Variants in AXDND1 observed in about 807,000 individuals in gnomAD.
AXDND1 encodes the protein axonemal dynein light chain domain containing 1, also known as axonemal dynein light chain domain-containing protein 1.
A neutral mutation model predicts 137.5 loss-of-function variants in AXDND1; 110 were observed. The ratio of observed to expected loss-of-function variants is 0.80; its 90% CI spans 0.69 to 0.94. The LOEUF is 0.94. Among genes scored for constraint, AXDND1 ranks in the 40% least tolerant of loss-of-function variants. The pLI, the probability that AXDND1 is intolerant of heterozygous loss-of-function variation, is 0.00. For synonymous variants in AXDND1, 414 were observed against 399.7 expected (o/e 1.04, Z -0.43); for missense variants, 1,191 against 1,169.8 (o/e 1.02, Z -0.26).
chr1:179,449,699 A>G (rs1660260685), intron 16 of AXDND1: 1 of 151,866 alleles, frequency 6.6e-6, no homozygotes, highest in African/African-American at 2.4e-5. Flanking sequence ...ACAATGTTTT[A>G]TAGTTTTCTG....
chr1:179,489,199 C>T (rs12119573), intron 18 of AXDND1, among the ~76,000 whole-genome samples: 80,295 of 147,440 alleles, frequency 0.54, 22,649 homozygotes, highest in East Asian at 0.76. Flanking sequence ...TATATTTTAG[C>T]ACAAAAATTA....
intron 25 of AXDND1, chr1:179,551,326 C>T (rs779652218): frequency 6.2e-7 from 1 of 1,614,172 alleles, no homozygotes; most frequent in South Asian, 1.1e-5. Context: ...TGGAAGGCTT[C>T]TCTGTGGACA....
At chr1:179,542,877 CA>C (rs1298476427) in intron 25 of AXDND1, among the ~76,000 whole-genome samples, 1 of 152,292 alleles carries the variant, frequency 6.6e-6, no homozygotes, top group Non-Finnish European at 1.5e-5. Context: ...AAATCATTGC[CA>C]GGGGGCTCTG....
At chr1:179,380,108 G>A (rs993490398) in intron 6 of AXDND1, among the ~76,000 whole-genome samples, 1 of 151,910 alleles carries the variant, frequency 6.6e-6, no homozygotes, top group Non-Finnish European at 1.5e-5. Flanking sequence ...AAATAGCCGG[G>A]CGTGGTGGTG....
At chr1:179,435,911 A>G (rs1202294195) in intron 15 of AXDND1, among the ~76,000 whole-genome samples, 1 of 152,220 alleles carries the variant, frequency 6.6e-6, no homozygotes, top group Non-Finnish European at 1.5e-5. Context: ...AGCCTACAGA[A>G]TGGGAGAAAA....
At chr1:179,401,737 A>G (rs912866266) in intron 11 of AXDND1, among the ~76,000 whole-genome samples, 36 of 152,160 alleles carry the variant, frequency 2.4e-4, no homozygotes, top group African/African-American at 7.5e-4. Context: ...TTGTTTTATA[A>G]GGGGAAACCC....
chr1:179,546,105 A>G (rs1456967914), intron 25 of AXDND1: 1 of 152,170 alleles, frequency 6.6e-6, no homozygotes, highest in East Asian at 1.9e-4. Context: ...CCAAAGTCTC[A>G]AAGTCCCAAG....
intron 12 of AXDND1, among the ~76,000 whole-genome samples, chr1:179,418,833 G>A (rs552216299): frequency 1.1e-4 from 17 of 151,564 alleles, no homozygotes; most frequent in South Asian, 2.1e-4. Flanking sequence ...GGCGGCTGCC[G>A]GGCGGAGGGA....
chr1:179,366,393 T>A lies in AXDND1; in HGVS notation c.-106-11T>A. The A allele has an allele frequency of 3.1e-6, 2 of 654,220 alleles. No individual in the cohort carries two copies. The highest frequency in any genetic ancestry group is 5.3e-6 in the Non-Finnish European group (2 of 379,782). 40.5% of individuals were successfully genotyped at this position (654,220 alleles called of 1,614,324 possible). A position where few individuals can be genotyped will look rare whatever the true frequency, so the allele number is the denominator to read the frequency against. On this transcript the variant is annotated splice_polypyrimidine_tract_variant and intron_variant, in intron 1 of 25. Transcript: ENST00000367618. ...TTTTTTTTTTTTAAATCTTTTTTCCTCTGCCTGCAGGACTATGTGGCAGCC... is the reference window on the plus strand; with the variant it reads ...TTTTTTTTTTTTAAATCTTTTTTCCACTGCCTGCAGGACTATGTGGCAGCC...
At chr1:179,547,093 C>T (rs1214550960) in intron 25 of AXDND1, among the ~76,000 whole-genome samples, 1 of 152,200 alleles carries the variant, frequency 6.6e-6, no homozygotes, top group Non-Finnish European at 1.5e-5. Context: ...AGATCACTGT[C>T]TGGGTATTCC....
chr1:179,479,547 G>T (rs937608339), intron 17 of AXDND1, among the ~76,000 whole-genome samples: 4 of 151,712 alleles, frequency 2.6e-5, no homozygotes, highest in Admixed American at 6.6e-5. Context: ...GGAGGCTGAG[G>T]TGGGCGGATC....
intron 25 of AXDND1, among the ~76,000 whole-genome samples, chr1:179,547,725 G>C (rs1342464514): frequency 6.6e-6 from 1 of 152,110 alleles, no homozygotes. Flanking sequence ...AAACACTTTT[G>C]AAAGTCTGAA....
At chr1:179,446,983 T>C (rs1041921801) in intron 16 of AXDND1, among the ~76,000 whole-genome samples, 8 of 152,220 alleles carry the variant, frequency 5.3e-5, no homozygotes, top group African/African-American at 1.7e-4. Context: ...GTTACATTCA[T>C]AGAATGTGTA....
At chr1:179,548,679 TACTC>T (rs1672868574) in intron 25 of AXDND1, 1 of 152,214 alleles carries the variant, frequency 6.6e-6, no homozygotes, top group African/African-American at 2.4e-5. Context: ...GATGCATACT[TACTC>T]AGAGCCATCC....
At chr1:179,369,862 A>G (rs1571505677) in intron 3 of AXDND1, 113 bp from the exon 4 acceptor site, 2 of 648,442 alleles carry the variant, frequency 3.1e-6, no homozygotes, top group East Asian at 2.8e-5. Context: ...TTTTTTCCTT[A>G]GAGTACCCAA....
In AXDND1 at chr1:179,369,047, T is replaced by G. The variant is rs1057100406; in HGVS notation, c.270+75T>G. Reference sequence around the variant, plus strand: ...CTGATTATTCTTTAAGTATTTATTATGCACATATTATATATTCCAGATAGC... The same window carrying G: ...CTGATTATTCTTTAAGTATTTATTAGGCACATATTATATATTCCAGATAGC... On this transcript the variant is annotated intron_variant, in intron 3 of 25. Transcript: ENST00000367618. 1.0e-4 allele frequency: 142 copies of G among 1,370,650 alleles called. 3 individuals are homozygous for G. The highest frequency in any genetic ancestry group is 7.9e-4 in the South Asian group (58 of 73,378). 84.9% of individuals were successfully genotyped at this position (1,370,650 alleles called of 1,614,324 possible). A position where few individuals can be genotyped will look rare whatever the true frequency, so the allele number is the denominator to read the frequency against.
intron 16 of AXDND1, chr1:179,453,321 A>G (rs1558200386): frequency 6.6e-6 from 1 of 152,540 alleles, no homozygotes; most frequent in East Asian, 1.9e-4. Flanking sequence ...TAGATCCACC[A>G]ACAGTTTTCA....
intron 21 of AXDND1, among the ~76,000 whole-genome samples, chr1:179,524,163 T>C (rs1362807041): frequency 6.6e-6 from 1 of 152,180 alleles, no homozygotes; most frequent in African/African-American, 2.4e-5. Context: ...CATGTAAAAT[T>C]ATCTTTTTCA....
intron 14 of AXDND1, among the ~76,000 whole-genome samples, chr1:179,431,036 G>T (rs1393915582): frequency 6.6e-6 from 1 of 152,192 alleles, no homozygotes; most frequent in Non-Finnish European, 1.5e-5. Flanking sequence ...AATGAAAGAA[G>T]CTGCTAATAA....
Sources: allele counts gnomAD v4.1 joint callset (sites outside exome capture counted in the v4.1 genomes callset), GRCh38; gene constraint gnomAD v4.1.1; transcripts MANE v1.5; gene names NCBI Gene and HGNC (gene_info 2026-07-23, HGNC 2026-07-21).